Variants in ARHGAP15 observed in about 807,000 individuals in gnomAD.
ARHGAP15 encodes Rho GTPase activating protein 15, also known as rho GTPase-activating protein 15.
In ARHGAP15, 51 loss-of-function variants were observed where a neutral mutation model predicts 63.7. The ratio of observed to expected loss-of-function variants is 0.80; its 90% CI spans 0.64 to 1.01. The LOEUF (loss-of-function observed/expected upper bound fraction) is 1.01, where lower values mean the gene tolerates loss of function less well. ARHGAP15 is among the 50% of genes least tolerant of loss of function. The pLI is 0.00. For missense variants in ARHGAP15, 560 were observed against 564.6 expected (o/e 0.99, Z 0.08); for synonymous variants, 191 against 193.8 (o/e 0.99, Z 0.12).
intron 6 of ARHGAP15, among the ~76,000 whole-genome samples, chr2:143,358,289 T>C (rs538606034): frequency 6.6e-6 from 1 of 152,322 alleles, no homozygotes; most frequent in East Asian, 1.9e-4. Flanking sequence ...GGGTAGTGAC[T>C]GCCAGAACTG....
At position 143,768,194 on chromosome 2, in the gene ARHGAP15, T is replaced by A. The variant is rs961955871; in HGVS notation, c.*22T>A. 1.2e-6 allele frequency: 2 copies of A among 1,605,794 alleles called. No individual in the cohort carries two copies. The highest frequency in any genetic ancestry group is 1.7e-6 in the Non-Finnish European group (2 of 1,174,624). ...CTGACAGACAAGACAAGCTACTGAA[T>A]ACGTTCACATCTGTCTTGATGCCTA... is the stretch of plus-strand genomic sequence containing the variant. On this transcript the variant is annotated 3_prime_UTR_variant, in exon 14 of 14. Transcript: ENST00000295095.
intron 13 of ARHGAP15, among the ~76,000 whole-genome samples, chr2:143,725,791 T>C (rs1010069120): frequency 3.3e-5 from 5 of 152,198 alleles, no homozygotes; most frequent in African/African-American, 1.2e-4. Context: ...TTTATGCAGG[T>C]AACTCATTAA....
At chr2:143,507,528 C>T (rs1171699918) in intron 9 of ARHGAP15, among the ~76,000 whole-genome samples, 1 of 152,190 alleles carries the variant, frequency 6.6e-6, no homozygotes. Context: ...TTTCTCATTT[C>T]ATTCTTATTC....
At chr2:143,310,936 G>T (rs1260234244) in intron 6 of ARHGAP15, among the ~76,000 whole-genome samples, 1 of 151,986 alleles carries the variant, frequency 6.6e-6, no homozygotes, top group Non-Finnish European at 1.5e-5. Flanking sequence ...TGATGATAGA[G>T]AATTGTCTTT....
At chr2:143,616,788 A>G (rs900325091) in intron 11 of ARHGAP15, among the ~76,000 whole-genome samples, 5 of 152,196 alleles carry the variant, frequency 3.3e-5, no homozygotes, top group African/African-American at 1.2e-4. Flanking sequence ...GTGATAAATC[A>G]TATGAAACAG....
chr2:143,605,715 A>G (rs1320207890), intron 11 of ARHGAP15, among the ~76,000 whole-genome samples: 1 of 151,428 alleles, frequency 6.6e-6, no homozygotes, highest in Non-Finnish European at 1.5e-5. Context: ...ATTGAAACCT[A>G]CCTTAAAAGC....
chr2:143,758,865 G>A (rs143315307), intron 13 of ARHGAP15, among the ~76,000 whole-genome samples: 12 of 152,240 alleles, frequency 7.9e-5, no homozygotes, highest in African/African-American at 1.9e-4. Context: ...CCCCAGACTT[G>A]CTGAATCAGA....
At chr2:143,706,090 T>C (rs1684313611) in intron 13 of ARHGAP15, among the ~76,000 whole-genome samples, 3 of 152,198 alleles carry the variant, frequency 2.0e-5, no homozygotes, top group Non-Finnish European at 4.4e-5. Flanking sequence ...CCACCAACCT[T>C]TCTTGGGTGG....
At chr2:143,748,227 C>A (rs1436852659) in intron 13 of ARHGAP15, among the ~76,000 whole-genome samples, 1 of 152,116 alleles carries the variant, frequency 6.6e-6, no homozygotes, top group Non-Finnish European at 1.5e-5. Context: ...CTTTTTCTCT[C>A]TTCTTTGGTT....
In ARHGAP15 at chr2:143,593,198, T is replaced by C. The variant is rs1363748285; in HGVS notation, c.1004-30935T>C. The C allele has an allele frequency of 4.6e-5, 7 of 152,342 alleles. No individual in the cohort carries two copies. The East Asian group carries it at 1.2e-3, about 25-fold the overall frequency. 9.4% of individuals were successfully genotyped at this position (152,342 alleles called of 1,614,324 possible). On this transcript the variant is annotated intron_variant, in intron 11 of 13. Coordinates refer to ENST00000295095, the MANE Select transcript of ARHGAP15 (RefSeq NM_018460.4). Reference sequence around the variant, plus strand: ...CTTCCCTAAAATACAAGTCACTTGATGTGGCAAATCATTTGTAGGTCAGTG... The same window carrying C: ...CTTCCCTAAAATACAAGTCACTTGACGTGGCAAATCATTTGTAGGTCAGTG...
At chr2:143,483,854 AC>A (rs1482311902) in intron 8 of ARHGAP15, among the ~76,000 whole-genome samples, 1 of 152,220 alleles carries the variant, frequency 6.6e-6, no homozygotes, top group Non-Finnish European at 1.5e-5. Flanking sequence ...CTCCAAAATG[AC>A]CTGAGGTCAA....
At chr2:143,536,421 G>A (rs1018691542) in intron 10 of ARHGAP15, among the ~76,000 whole-genome samples, 16 of 151,838 alleles carry the variant, frequency 1.1e-4, no homozygotes, top group South Asian at 2.1e-4. Flanking sequence ...TGTGCACAAC[G>A]TGCAGGTTTG....
intron 12 of ARHGAP15, among the ~76,000 whole-genome samples, chr2:143,699,889 T>G (rs1017899475): frequency 4.6e-5 from 7 of 152,190 alleles, no homozygotes; most frequent in African/African-American, 1.7e-4. Context: ...AAAACTACAC[T>G]TTTAGATCTT....
intron 1 of ARHGAP15, among the ~76,000 whole-genome samples, chr2:143,134,785 C>A (rs992871198): frequency 7.7e-6 from 1 of 130,196 alleles, no homozygotes; most frequent in African/African-American, 2.8e-5. Flanking sequence ...CAGGTGCCTG[C>A]CACCAAGCCC....
intron 10 of ARHGAP15, among the ~76,000 whole-genome samples, chr2:143,552,682 CAA>C (rs1695623109): frequency 6.6e-6 from 1 of 152,070 alleles, no homozygotes; most frequent in Admixed American, 6.6e-5. Context: ...AACGAATAAA[CAA>C]TATTTCAGTG....
intron 9 of ARHGAP15, among the ~76,000 whole-genome samples, chr2:143,513,782 G>T (rs1693686590): frequency 6.6e-6 from 1 of 152,130 alleles, no homozygotes; most frequent in South Asian, 2.1e-4. Flanking sequence ...TTACCTGGTG[G>T]ATCAGCTCAC....
intron 11 of ARHGAP15, among the ~76,000 whole-genome samples, chr2:143,585,407 T>TACACATAAATAA (rs1208775196): frequency 6.6e-6 from 1 of 151,968 alleles, no homozygotes; most frequent in East Asian, 1.9e-4. Context: ...TACATAAATA[T>TACACATAAATAA]ACACATAAAT....
chr2:143,455,531 G>T (rs1320253554), intron 8 of ARHGAP15, among the ~76,000 whole-genome samples: 1 of 152,024 alleles, frequency 6.6e-6, no homozygotes, highest in East Asian at 1.9e-4. Flanking sequence ...ATTCAAGATG[G>T]AGTTGCTCTG....
intron 1 of ARHGAP15, among the ~76,000 whole-genome samples, chr2:143,154,181 G>A (rs748899318): frequency 2.6e-5 from 4 of 151,428 alleles, no homozygotes; most frequent in Non-Finnish European, 5.9e-5. Context: ...GGGTTTAATG[G>A]CTATTTTATA....
Sources: allele counts gnomAD v4.1 joint callset (sites outside exome capture counted in the v4.1 genomes callset), GRCh38; gene constraint gnomAD v4.1.1; transcripts MANE v1.5; gene names NCBI Gene and HGNC (gene_info 2026-07-23, HGNC 2026-07-21).